PECR: variants seen among roughly 807,000 people sequenced by gnomAD.
PECR encodes peroxisomal trans-2-enoyl-CoA reductase.
In PECR, 30 loss-of-function variants were observed where a neutral mutation model predicts 35.3. The ratio of observed to expected loss-of-function variants is 0.85; its 90% confidence interval spans 0.64 to 1.15. The LOEUF is 1.15. Ranked by LOEUF, PECR falls within the 50% of genes most tolerant of loss-of-function variation. The pLI is 0.00. For synonymous variants in PECR, 148 were observed against 138.9 expected, an observed-to-expected ratio of 1.07 and a Z score of -0.46; for missense variants, 392 against 370.8, an observed-to-expected ratio of 1.06 and a Z score of -0.47.
chr2:216,051,619 G>T, intron 4 of PECR, 74 bp from the exon 5 acceptor site: 1 of 924,822 alleles, frequency 1.1e-6, no homozygotes, highest in Non-Finnish European at 1.8e-6. Context: ...GCTCACAAGT[G>T]TGCCAACTAC....
chr2:216,069,697 G>A (rs1695548705), intron 1 of PECR, among the ~76,000 whole-genome samples: 2 of 152,108 alleles, frequency 1.3e-5, no homozygotes, highest in South Asian at 4.1e-4. Context: ...CAGCACTTTG[G>A]GAGGTCGAGG....
At chr2:216,074,829 T>G (rs1317163353) in intron 1 of PECR, among the ~76,000 whole-genome samples, 1 of 152,188 alleles carries the variant, frequency 6.6e-6, no homozygotes, top group Non-Finnish European at 1.5e-5. Context: ...TGAACTAGGG[T>G]GCAAACATAT....
chr2:216,061,311 CAAAAAAAAAAA>C (rs56791924), intron 3 of PECR, among the ~76,000 whole-genome samples: 14 of 44,952 alleles, frequency 3.1e-4, no homozygotes, highest in African/African-American at 9.3e-4. Flanking sequence ...AACCCTGTCT[CAAAAAAAAAAA>C]AAAAAAAAAA....
intron 7 of PECR, among the ~76,000 whole-genome samples, chr2:216,031,475 G>GAAAGAGAAAGAA (rs373434476): frequency 1.5e-5 from 2 of 132,818 alleles, no homozygotes; most frequent in African/African-American, 6.0e-5. Flanking sequence ...AAGAAAGAAA[G>GAAAGAGAAAGAA]AGAAAGAAAG....
Position 216,065,331 on chromosome 2 carries a change from G to C in PECR, c.405C>G (p.Thr135=), listed in dbSNP as rs1437060669. The C allele has an allele frequency of 1.9e-6, 3 of 1,611,378 alleles. No homozygotes were observed. Among genetic ancestry groups the C allele is most frequent in the African/African-American group, 1.3e-5 (1 of 74,972 alleles). ...ACTTGCCTGCTTTGCACATGTAGAA[G>C]GTACCCGTCAGGTTGGTCTCAAGCA... ...HAVLETNLTG[T]FYMCKAVYSS... The change falls in exon 3 of 8, where the codon ACC becomes ACG. Residue 135 remains threonine, a synonymous_variant. Transcript: ENST00000265322.
At chr2:216,080,482 C>CTA (rs1314814398) in intron 1 of PECR, among the ~76,000 whole-genome samples, 27 of 152,310 alleles carry the variant, frequency 1.8e-4, no homozygotes, top group African/African-American at 6.5e-4. Flanking sequence ...CTACTCAAGA[C>CTA]TACATCCTTG....
downstream of PECR, among the ~76,000 whole-genome samples, chr2:216,035,186 A>G (rs1367319677): frequency 6.6e-6 from 1 of 152,146 alleles, no homozygotes; most frequent in East Asian, 1.9e-4. Context: ...TTGTTGGGAG[A>G]GGGTGATGGA....
At chr2:216,075,030 C>T (rs548593400) in intron 1 of PECR, among the ~76,000 whole-genome samples, 190 of 152,260 alleles carry the variant, frequency 1.2e-3, no homozygotes, top group Admixed American at 2.2e-3. Context: ...GCTTGTAATC[C>T]CAGCAATTTG....
intron 7 of PECR, among the ~76,000 whole-genome samples, chr2:216,042,349 A>G (rs551248523): frequency 1.3e-5 from 2 of 152,362 alleles, no homozygotes; most frequent in Admixed American, 6.5e-5. Flanking sequence ...CGCCTCTCAC[A>G]TACACCAATC....
intron 6 of PECR, among the ~76,000 whole-genome samples, chr2:216,047,502 G>A (rs888388422): frequency 6.6e-6 from 1 of 152,116 alleles, no homozygotes; most frequent in Non-Finnish European, 1.5e-5. Flanking sequence ...ACTTTGCTGA[G>A]TGTTTTATCC....
Position 216,081,726 on chromosome 2 carries a change from T to C in PECR, c.16A>G (p.Lys6Glu), listed in dbSNP as rs775701511. MASWA[K>E]GRSYLAPGLL... ...CCAGGCGCCAGGTAGCTCCTGCCCT[T>C]AGCCCAGGAGGCCATCCCTGCAGCG... The change falls in exon 1 of 8, where the codon AAG (lysine) becomes GAG (glutamate). Residue 6 changes from lysine (K) to glutamate (E), a missense_variant. Transcript: ENST00000265322. 39 of 1,613,228 alleles carry C rather than the reference T, an allele frequency of 2.4e-5. No individual in the cohort carries two copies. The highest frequency in any genetic ancestry group is 2.2e-4 in the Admixed American group (13 of 59,986).
chr2:216,035,277 G>C (rs937483800), downstream of PECR, among the ~76,000 whole-genome samples: 3 of 152,154 alleles, frequency 2.0e-5, no homozygotes, highest in South Asian at 6.2e-4. Context: ...AGGAGCACCA[G>C]CTTCCCAGCA....
Position 216,064,630 on chromosome 2 carries a change from C to T in PECR, c.424+682G>A, listed in dbSNP as rs1344137727. On this transcript the variant is annotated intron_variant, in intron 3 of 7. Coordinates refer to ENST00000265322, the MANE Select transcript of PECR (RefSeq NM_018441.6). Reference sequence around the variant, plus strand: ...CAAGCCCTGTTGTTTCTGGGTTTTTCCACTGGAACAACCCAACTTGTATCA... The same window carrying T: ...CAAGCCCTGTTGTTTCTGGGTTTTTTCACTGGAACAACCCAACTTGTATCA... Among the ~76,000 whole-genome samples the T allele has an allele frequency of 1.3e-5, 2 of 152,160 alleles. 1 individual carries two copies. Among genetic ancestry groups the T allele is most frequent in the Non-Finnish European group, 2.9e-5 (2 of 68,032 alleles).
intron 4 of PECR, among the ~76,000 whole-genome samples, chr2:216,054,807 G>T (rs1036889269): frequency 1.3e-5 from 2 of 151,866 alleles, no homozygotes; most frequent in African/African-American, 4.8e-5. Context: ...ATGAATTTGG[G>T]GTTATTCAAA....
downstream of PECR, among the ~76,000 whole-genome samples, chr2:216,036,444 G>A (rs1323577810): frequency 6.6e-6 from 1 of 152,240 alleles, no homozygotes; most frequent in Non-Finnish European, 1.5e-5. Flanking sequence ...TAAGGTCCCA[G>A]TGAGCTACAA....
At chr2:216,049,242 A>T (rs1183528272) in intron 6 of PECR, 21 bp downstream of exon 6, 1 of 1,127,816 alleles carries the variant, frequency 8.9e-7, no homozygotes, top group South Asian at 1.2e-5. Context: ...AATTCTAATC[A>T]ATGCTGGAAA....
chr2:216,071,755 T>C (rs1695592122), intron 1 of PECR, among the ~76,000 whole-genome samples: 1 of 152,170 alleles, frequency 6.6e-6, no homozygotes, highest in Non-Finnish European at 1.5e-5. Flanking sequence ...CCCAAAACTC[T>C]CTATTTGTCT....
downstream of PECR, among the ~76,000 whole-genome samples, chr2:216,034,319 G>A (rs1694759824): frequency 6.6e-6 from 1 of 152,178 alleles, no homozygotes; most frequent in African/African-American, 2.4e-5. Flanking sequence ...TTGGCTGTGG[G>A]TCCCAGCTGC....
intron 7 of PECR, chr2:216,032,795 T>G (rs1230498361): frequency 6.6e-6 from 1 of 152,252 alleles, no homozygotes; most frequent in Non-Finnish European, 1.5e-5. Flanking sequence ...ATACCTTTCT[T>G]GAATACGGTT....
Sources: gnomAD v4.1 joint callset for allele counts (sites outside exome capture counted in the v4.1 genomes callset) on GRCh38, gnomAD v4.1.1 for gene constraint, MANE v1.5 for transcripts, NCBI Gene and HGNC (gene_info 2026-07-23, HGNC 2026-07-21) for gene names.